The following KCTD1 variants were observed in gnomAD, a reference collection of about 807,000 sequenced individuals.
KCTD1 encodes potassium channel tetramerization domain containing 1.
Under a neutral mutation model 66.0 loss-of-function variants are expected in KCTD1, and 24 were observed. That is an observed-to-expected ratio of 0.36 (90% CI 0.26 to 0.51). The LOEUF (loss-of-function observed/expected upper bound fraction) is 0.51, where lower values mean the gene tolerates loss of function less well. Among genes scored for constraint, KCTD1 ranks in the 20% least tolerant of loss-of-function variants. KCTD1 has a pLI of 0.95. For missense variants in KCTD1, 943 were observed against 1,205.2 expected, an observed-to-expected ratio of 0.78 and a Z score of 3.22; for synonymous variants, 511 against 517.2, an observed-to-expected ratio of 0.99 and a Z score of 0.16.
At chr18:26,513,374 A>T (rs1567975301) in intron 1 of KCTD1, among the ~76,000 whole-genome samples, 1 of 151,932 alleles carries the variant, frequency 6.6e-6, no homozygotes, top group Non-Finnish European at 1.5e-5. Flanking sequence ...GGCGTGAGCC[A>T]CCGCGCCCGG....
At chr18:26,558,681 T>C (rs1279788871) in intron 1 of KCTD1, among the ~76,000 whole-genome samples, 2 of 152,146 alleles carry the variant, frequency 1.3e-5, no homozygotes, top group African/African-American at 2.4e-5. Flanking sequence ...CCCAGCACTT[T>C]GGGAGGCTGA....
chr18:26,523,505 G>T (rs1002833047), intron 1 of KCTD1, among the ~76,000 whole-genome samples: 1 of 152,166 alleles, frequency 6.6e-6, no homozygotes, highest in South Asian at 2.1e-4. Flanking sequence ...TCTGAAAAAA[G>T]CTGAGTGTGG....
intron 1 of KCTD1, among the ~76,000 whole-genome samples, chr18:26,636,535 A>G (rs1987727136): frequency 6.6e-6 from 1 of 152,198 alleles, no homozygotes; most frequent in Non-Finnish European, 1.5e-5. Flanking sequence ...CATTTCTCCC[A>G]TTGAGAGTGC....
intron 1 of KCTD1, among the ~76,000 whole-genome samples, chr18:26,570,753 A>G (rs1361352263): frequency 6.6e-6 from 1 of 152,132 alleles, no homozygotes; most frequent in Non-Finnish European, 1.5e-5. Flanking sequence ...GATGTTTCTC[A>G]ATTTACCATG....
upstream of KCTD1, chr18:26,549,272 G>C: frequency 1.0e-6 from 1 of 985,066 alleles, no homozygotes; most frequent in Non-Finnish European, 1.2e-6. Context: ...GGGGGCCTGG[G>C]GCCAGCCGCG....
At chr18:26,613,355 G>A (rs1424223760) in intron 1 of KCTD1, among the ~76,000 whole-genome samples, 2 of 152,128 alleles carry the variant, frequency 1.3e-5, no homozygotes, top group African/African-American at 4.8e-5. Flanking sequence ...AGAGCTGTGG[G>A]AGAAATTCTT....
At chr18:26,490,564 A>G (rs1982142049) in intron 2 of KCTD1, among the ~76,000 whole-genome samples, 1 of 152,180 alleles carries the variant, frequency 6.6e-6, no homozygotes, top group Non-Finnish European at 1.5e-5. Flanking sequence ...TCTAGCACCT[A>G]AGACTCAAAA....
intron 1 of KCTD1, among the ~76,000 whole-genome samples, chr18:26,513,561 G>A (rs1331128700): frequency 6.6e-6 from 1 of 152,214 alleles, no homozygotes; most frequent in African/African-American, 2.4e-5. Flanking sequence ...TCCCGAGGAT[G>A]CAACAACATA....
intron 1 of KCTD1, among the ~76,000 whole-genome samples, chr18:26,570,498 T>G (rs2144896842): frequency 6.6e-6 from 1 of 152,222 alleles, no homozygotes; most frequent in South Asian, 2.1e-4. Context: ...AGCCTCGACC[T>G]CCAGGGCTCA....
chr18:26,502,984 C>A (rs1982844458), intron 1 of KCTD1, among the ~76,000 whole-genome samples: 1 of 152,222 alleles, frequency 6.6e-6, no homozygotes, highest in African/African-American at 2.4e-5. Flanking sequence ...GCATTAACCA[C>A]ATGTCCAAGC....
chr18:26,546,774 G>C lies in KCTD1; in HGVS notation c.1763C>G (p.Thr588Ser). The C allele has an allele frequency of 6.5e-7, 1 of 1,550,168 alleles. No individual in the cohort carries two copies. The highest frequency in any genetic ancestry group is 8.7e-7 in the Non-Finnish European group (1 of 1,146,458). The change falls in exon 1 of 5, where the codon ACC becomes AGC. Residue 588 changes from threonine (T) to serine (S), a missense_variant. Physicochemically the swap from Thr to Ser is moderately conservative, Grantham distance 58. Around this residue, in one of 10 missense-constraint regions of KCTD1, gnomAD observed 197 missense variants for 182.7 expected, o/e 1.08. Transcript: ENST00000580059. ...LLPEANGHRSTNSPTIVSPAI... is the reference protein window; with the variant it reads ...LLPEANGHRSSNSPTIVSPAI... Reference sequence around the variant, plus strand: ...AGGTGAAACTATTGTGGGAGAATTGGTGCTTCTGTGCCCATTGGCTTCTGG... The same window carrying C: ...AGGTGAAACTATTGTGGGAGAATTGCTGCTTCTGTGCCCATTGGCTTCTGG...
rs189132330 is a variant in KCTD1, at chr18:26,576,740, G to A, written c.-16+52407C>T. Among the ~76,000 whole-genome samples the A allele has an allele frequency of 4.3e-3, 657 of 152,142 alleles. 1 individual carries two copies. The highest frequency in any genetic ancestry group is 6.7e-3 in the Non-Finnish European group (459 of 68,010). On this transcript the variant is annotated intron_variant, in intron 1 of 4. Transcript: ENST00000317932. ...TATATTTTAGGATTTGTTCTGTCTTGACATTTCTACTTAATATATAACACA... is the reference window on the plus strand; with the variant it reads ...TATATTTTAGGATTTGTTCTGTCTTAACATTTCTACTTAATATATAACACA...
intron 1 of KCTD1, among the ~76,000 whole-genome samples, chr18:26,624,734 G>C (rs1222147421): frequency 1.3e-5 from 2 of 152,254 alleles, no homozygotes; most frequent in African/African-American, 4.8e-5. Context: ...GCCCACTGGG[G>C]CACTGGCTAG....
chr18:26,632,781 T>C (rs1987648299), upstream of KCTD1, among the ~76,000 whole-genome samples: 1 of 152,160 alleles, frequency 6.6e-6, no homozygotes, highest in African/African-American at 2.4e-5. Context: ...TAAAATTCAA[T>C]CTTAGTAAAG....
At chr18:26,556,342 C>G (rs537267781) in intron 1 of KCTD1, among the ~76,000 whole-genome samples, 2 of 152,150 alleles carry the variant, frequency 1.3e-5, no homozygotes, top group Non-Finnish European at 2.9e-5. Context: ...GGAAGCCTCA[C>G]CATTCTTCAT....
At chr18:26,576,551 C>T (rs1048216548) in intron 1 of KCTD1, among the ~76,000 whole-genome samples, 1 of 152,110 alleles carries the variant, frequency 6.6e-6, no homozygotes, top group East Asian at 1.9e-4. Context: ...GCAGCCATTT[C>T]GAACGATTCA....
chr18:26,585,077 C>G (rs2144931450), intron 1 of KCTD1, among the ~76,000 whole-genome samples: 1 of 152,070 alleles, frequency 6.6e-6, no homozygotes, highest in East Asian at 1.9e-4. Flanking sequence ...CCACCCTTGC[C>G]CTGGTCTGAT....
intron 1 of KCTD1, among the ~76,000 whole-genome samples, chr18:26,590,617 T>C (rs1442093209): frequency 2.0e-5 from 3 of 152,044 alleles, no homozygotes; most frequent in African/African-American, 7.2e-5. Flanking sequence ...GTGGTACAGT[T>C]TTACCTGCTG....
At chr18:26,612,221 C>A (rs1386443952) in intron 1 of KCTD1, among the ~76,000 whole-genome samples, 2 of 152,150 alleles carry the variant, frequency 1.3e-5, no homozygotes, top group African/African-American at 4.8e-5. Context: ...CTCTGATACT[C>A]TGACTTGCAA....
Sources: gnomAD v4.1 joint callset for allele counts (sites outside exome capture counted in the v4.1 genomes callset) on GRCh38, gnomAD v4.1.1 for gene constraint, gnomAD v4.1.1 regional missense constraint, MANE v1.5 for transcripts, NCBI Gene and HGNC (gene_info 2026-07-23, HGNC 2026-07-21) for gene names.